The following RFTN1 variants were observed in gnomAD, a reference collection of about 807,000 sequenced individuals.
RFTN1 encodes raftlin, lipid raft linker 1.
RFTN1 carries 26 observed loss-of-function variants against 46.5 expected under a neutral mutation model. The observed-to-expected ratio is 0.56, with a 90% CI of 0.41 to 0.78. RFTN1 has a LOEUF of 0.78. Ranked by LOEUF, RFTN1 falls within the 30% of genes least tolerant of loss-of-function variation. The pLI, the probability that RFTN1 is intolerant of heterozygous loss-of-function variation, is 0.00. For missense variants in RFTN1, 693 were observed against 718.7 expected (o/e 0.96, Z 0.41); for synonymous variants, 261 against 284.2 (o/e 0.92, Z 0.82).
At chr3:16,375,773 G>C (rs4684278) in intron 5 of RFTN1, among the ~76,000 whole-genome samples, 23,639 of 152,088 alleles carry the variant, frequency 0.16, 2,159 homozygotes, top group South Asian at 0.24. Context: ...CTCATCCACT[G>C]GTGGGCTGAC....
chr3:16,477,954 T>C (rs572315572), intron 2 of RFTN1, among the ~76,000 whole-genome samples: 1 of 152,376 alleles, frequency 6.6e-6, no homozygotes, highest in African/African-American at 2.4e-5. Flanking sequence ...ATGCTAAGCA[T>C]GTGTCTCCAC....
chr3:16,364,371 C>T (rs1559291789), intron 6 of RFTN1, among the ~76,000 whole-genome samples: 1 of 152,180 alleles, frequency 6.6e-6, no homozygotes, highest in African/African-American at 2.4e-5. Context: ...GTTCAAGGGC[C>T]AAGCCAGATC....
In RFTN1 at chr3:16,317,642, T is replaced by C. The variant is rs573283263; in HGVS notation, c.1333-410A>G. Among the ~76,000 whole-genome samples the C allele has an allele frequency of 2.0e-5, 3 of 152,286 alleles. No individual in the cohort carries two copies. Among genetic ancestry groups the C allele is most frequent in the East Asian group, 3.9e-4 (2 of 5,178 alleles). On this transcript the variant is annotated intron_variant, in intron 9 of 9. Transcript: ENST00000334133. The surrounding 1 kb of genome is among the most constrained non-coding windows in gnomAD (Gnocchi z 4.3). ...TTTCCATTCTGAGCAGGCTGAGGAT[T>C]ACCAGGCACGGGGCTGGCATTCTCT...
rs1269448408 is a variant in RFTN1 at position 16,374,730 on chromosome 3, G to A, written c.826+2988C>T. Among the ~76,000 whole-genome samples the A allele has an allele frequency of 1.3e-5, 2 of 152,180 alleles. No homozygotes were observed. The highest frequency in any genetic ancestry group is 2.1e-4 in the South Asian group (1 of 4,828). ...TTTCTCTGATGGAAGCTGTGGCAAC[G>A]GAGACACTGAGGCTGTCCCTGCACA... is the stretch of plus-strand genomic sequence containing the variant. On this transcript the variant is annotated intron_variant, in intron 5 of 9. Coordinates refer to ENST00000334133, the MANE Select transcript of RFTN1 (RefSeq NM_015150.2). The surrounding 1 kb of genome is among the most constrained non-coding windows in gnomAD (Gnocchi z 5.4).
In RFTN1 at chr3:16,435,824, G is replaced by T. The variant is rs1402893109; in HGVS notation, c.146-1787C>A. Among the ~76,000 whole-genome samples the T allele has an allele frequency of 4.6e-5, 7 of 151,630 alleles. No homozygotes were observed. In the East Asian group the frequency reaches 1.4e-3, roughly 29 times the overall value. On this transcript the variant is annotated intron_variant, in intron 2 of 9. Coordinates refer to ENST00000334133, the MANE Select transcript of RFTN1 (RefSeq NM_015150.2). ...TTGCTGGGTTAAAAATATATGCATTGTGTGCCTGTATCAAAACATCTCATG... is the reference window on the plus strand; with the variant it reads ...TTGCTGGGTTAAAAATATATGCATTTTGTGCCTGTATCAAAACATCTCATG...
chr3:16,412,391 C>G (rs182047295), intron 3 of RFTN1, among the ~76,000 whole-genome samples: 16 of 152,336 alleles, frequency 1.1e-4, no homozygotes, highest in African/African-American at 3.8e-4. Context: ...CAGCTATGGC[C>G]TCACAGAGGA....
At chr3:16,391,590 AAGTGGGAGGAC>A (rs1186708799) in intron 4 of RFTN1, among the ~76,000 whole-genome samples, 1 of 152,222 alleles carries the variant, frequency 6.6e-6, no homozygotes, top group Non-Finnish European at 1.5e-5. Flanking sequence ...GTTGTTAGTT[AAGTGGGAGGAC>A]AAAAATAGTT....
chr3:16,408,322 A>C (rs1023496108), intron 4 of RFTN1, among the ~76,000 whole-genome samples: 13 of 151,882 alleles, frequency 8.6e-5, no homozygotes, highest in African/African-American at 2.9e-4. Flanking sequence ...GGTAACACTC[A>C]CTAGTTCGGC....
Position 16,324,953 on chromosome 3 carries a change from G to T in RFTN1, c.1251-1496C>A, listed in dbSNP as rs754092806. ...TACAATCCCACCAAGAGTGTACAAGGGTTCTCTTTTCTCTATACCCTTGTC... is the reference window on the plus strand; with the variant it reads ...TACAATCCCACCAAGAGTGTACAAGTGTTCTCTTTTCTCTATACCCTTGTC... On this transcript the variant is annotated intron_variant, in intron 8 of 9. Transcript: ENST00000334133. Among the ~76,000 whole-genome samples the T allele has an allele frequency of 6.8e-4, 103 of 151,660 alleles. No homozygotes were observed. In the Middle Eastern group the frequency reaches 0.024, roughly 35 times the overall value.
At chr3:16,435,663 T>C (rs2075495959) in intron 2 of RFTN1, among the ~76,000 whole-genome samples, 2 of 152,188 alleles carry the variant, frequency 1.3e-5, no homozygotes, top group African/African-American at 4.8e-5. Context: ...TTTCTACAGA[T>C]CCATTGTGTG....
rs1395272064 is a variant in RFTN1, at chr3:16,336,768, G to A, written c.1147-9892C>T. Among the ~76,000 whole-genome samples, 1 of 152,122 alleles carries A rather than the reference G, an allele frequency of 6.6e-6. No homozygotes were observed. The highest frequency in any genetic ancestry group is 1.5e-5 in the Non-Finnish European group (1 of 68,024). On this transcript the variant is annotated intron_variant, in intron 7 of 9. Coordinates refer to ENST00000334133, the MANE Select transcript of RFTN1 (RefSeq NM_015150.2). The surrounding 1 kb of genome is among the most constrained non-coding windows in gnomAD (Gnocchi z 6.0). ...AGTTCTGAGACTCTTTACCCACCCA[G>A]TGCTGGTGAATTCACATCTTTGTCT...
intron 6 of RFTN1, among the ~76,000 whole-genome samples, chr3:16,365,055 T>C (rs1490703598): frequency 6.6e-6 from 1 of 152,268 alleles, no homozygotes; most frequent in African/African-American, 2.4e-5. Flanking sequence ...AGGTGTCCTA[T>C]GGACACATGA....
In RFTN1 at chr3:16,407,731, T is replaced by C. The variant is rs189162143; in HGVS notation, c.441+1644A>G. 7.9e-5 allele frequency among the ~76,000 whole-genome samples: 12 copies of C among 152,320 alleles called. No individual in the cohort carries two copies. In the East Asian group the frequency reaches 2.3e-3, roughly 29 times the overall value. ...AGCTCTATTTCTATAGAAAGCTACATGCGTTATTAAAACACTTGTGTTCTC... is the reference window on the plus strand; with the variant it reads ...AGCTCTATTTCTATAGAAAGCTACACGCGTTATTAAAACACTTGTGTTCTC... On this transcript the variant is annotated intron_variant, in intron 4 of 9. Coordinates refer to ENST00000334133, the MANE Select transcript of RFTN1 (RefSeq NM_015150.2). This position sits in a 1 kb window ranked among gnomAD's most constrained non-coding sequence, Gnocchi z 4.0.
chr3:16,440,327 C>G lies in RFTN1; in HGVS notation c.146-6290G>C, dbSNP rs967443398. ...TCAAGTGATCCTCCTGCCTCAGCCC[C>G]CTGAGTAGCTGGGACTACAGGTGTG... On this transcript the variant is annotated intron_variant, in intron 2 of 9. Coordinates refer to ENST00000334133, the MANE Select transcript of RFTN1 (RefSeq NM_015150.2). This position sits in a 1 kb window ranked among gnomAD's most constrained non-coding sequence, Gnocchi z 4.6. Among the ~76,000 whole-genome samples the G allele has an allele frequency of 2.0e-5, 3 of 152,186 alleles. No homozygotes were observed.
rs999688206 is a variant in RFTN1 at position 16,442,498 on chromosome 3, A to G, written c.146-8461T>C. ...TCAAGGTGTACAACATGATGCCTCA[A>G]TGTATATATACTTAGTTCAAATGAT... On this transcript the variant is annotated intron_variant, in intron 2 of 9. Transcript: ENST00000334133. This position sits in a 1 kb window ranked among gnomAD's most constrained non-coding sequence, Gnocchi z 4.1. Among the ~76,000 whole-genome samples the G allele has an allele frequency of 6.6e-6, 1 of 152,198 alleles. No homozygotes were observed. Among genetic ancestry groups the G allele is most frequent in the Non-Finnish European group, 1.5e-5 (1 of 68,038 alleles).
Position 16,374,851 on chromosome 3 carries a change from C to T in RFTN1, c.826+2867G>A, listed in dbSNP as rs1326951994. 2.6e-5 allele frequency among the ~76,000 whole-genome samples: 4 copies of T among 152,126 alleles called. No individual in the cohort carries two copies. The highest frequency in any genetic ancestry group is 4.4e-5 in the Non-Finnish European group (3 of 68,018). On this transcript the variant is annotated intron_variant, in intron 5 of 9. Transcript: ENST00000334133. This position sits in a 1 kb window ranked among gnomAD's most constrained non-coding sequence, Gnocchi z 5.4. ...AGCGAGCAGGAAGAGGAACCCACGG[C>T]GGGCCTCCCCAAGAACCTGCAGGGG... is the stretch of plus-strand genomic sequence containing the variant.
In RFTN1 at chr3:16,356,960, C is replaced by T. The variant is rs1176181196; in HGVS notation, c.1146+972G>A. Among the ~76,000 whole-genome samples, 1 of 151,902 alleles carries T rather than the reference C, an allele frequency of 6.6e-6. No homozygotes were observed. Among genetic ancestry groups the T allele is most frequent in the East Asian group, 1.9e-4 (1 of 5,192 alleles). ...TGAAACCCTGTCTTTACTAAAAATA[C>T]AAAAATTAGCTGGGTGTGGTGGCGG... On this transcript the variant is annotated intron_variant, in intron 7 of 9. Coordinates refer to ENST00000334133, the MANE Select transcript of RFTN1 (RefSeq NM_015150.2). The surrounding 1 kb of genome is among the most constrained non-coding windows in gnomAD (Gnocchi z 4.9).
intron 6 of RFTN1, among the ~76,000 whole-genome samples, chr3:16,369,465 CT>C (rs770975591): frequency 5.3e-5 from 8 of 152,256 alleles, no homozygotes; most frequent in Non-Finnish European, 8.8e-5. Context: ...AACCTAAAGC[CT>C]TTTCTTTGTT....
chr3:16,391,886 T>TGG (rs2074356802), intron 4 of RFTN1, among the ~76,000 whole-genome samples: 1 of 36,938 alleles, frequency 2.7e-5, no homozygotes, highest in Admixed American at 2.8e-4. Context: ...TTTTTTGTTT[T>TGG]TTTTTTTGTT....
Sources: allele counts gnomAD v4.1 joint callset (sites outside exome capture counted in the v4.1 genomes callset), GRCh38; gene constraint gnomAD v4.1.1; non-coding constraint Gnocchi (gnomAD v3.1); transcripts MANE v1.5; gene names NCBI Gene and HGNC (gene_info 2026-07-23, HGNC 2026-07-21).